SLC39A12: variants seen among roughly 807,000 people sequenced by gnomAD.
SLC39A12 encodes solute carrier family 39 member 12, also known as zinc transporter ZIP12.
A neutral mutation model predicts 71.1 loss-of-function variants in SLC39A12; 63 were observed. The observed-to-expected ratio is 0.89, with a 90% confidence interval of 0.72 to 1.09. SLC39A12 has a LOEUF of 1.09. SLC39A12 is among the 50% of genes least tolerant of loss of function. SLC39A12 has a pLI of 0.00. For missense variants in SLC39A12, 892 were observed against 812.6 expected, an observed-to-expected ratio of 1.10 and a Z score of -1.19; for synonymous variants, 351 against 301.3, an observed-to-expected ratio of 1.16 and a Z score of -1.71.
intron 12 of SLC39A12, chr10:18,009,875 A>T (rs1288000993): frequency 6.6e-6 from 1 of 152,248 alleles, no homozygotes; most frequent in Non-Finnish European, 1.5e-5. Context: ...AAACAGGATT[A>T]TCAATATAGT....
chr10:17,987,484 G>A lies in SLC39A12; in HGVS notation c.1102G>A (p.Gly368Ser), dbSNP rs1226517271. Residue 368 changes from glycine (G) to serine (S), a missense_variant, in exon 7 of 13, where the codon GGC becomes AGC. By Grantham distance (56) the Gly-to-Ser change is moderately conservative. Coordinates refer to ENST00000377369, the MANE Select transcript of SLC39A12 (RefSeq NM_001145195.2). Reference protein sequence around the residue: ...KLPPTTLEKYGYSTVAVTLLT... With the variant: ...KLPPTTLEKYSYSTVAVTLLT... ...TACGATCTCCTTTGACTTAGAATAC[G>A]GCTACAGCACGGTGGCTGTCACCCT... 1.1e-5 allele frequency: 18 copies of A among 1,613,614 alleles called. No individual in the cohort carries two copies. Among genetic ancestry groups the A allele is most frequent in the South Asian group, 3.3e-5 (3 of 91,030 alleles).
chr10:17,964,204 C>A (rs1834764933), intron 3 of SLC39A12, among the ~76,000 whole-genome samples: 2 of 152,220 alleles, frequency 1.3e-5, no homozygotes, highest in South Asian at 4.1e-4. Context: ...AACACTCATG[C>A]TTCCGTGAAG....
chr10:18,037,548 A>G (rs1214253198), intron 12 of SLC39A12, among the ~76,000 whole-genome samples: 2 of 152,216 alleles, frequency 1.3e-5, no homozygotes, highest in Non-Finnish European at 2.9e-5. Flanking sequence ...ATGTTTCTTC[A>G]AAACTGAAAG....
At chr10:18,010,972 C>T (rs1263894446) in intron 12 of SLC39A12, among the ~76,000 whole-genome samples, 1 of 152,160 alleles carries the variant, frequency 6.6e-6, no homozygotes, top group Non-Finnish European at 1.5e-5. Context: ...TGTATTTCTC[C>T]TCTTTATGAT....
intron 2 of SLC39A12, among the ~76,000 whole-genome samples, chr10:17,955,835 T>G (rs1217384366): frequency 6.6e-6 from 1 of 152,210 alleles, no homozygotes; most frequent in African/African-American, 2.4e-5. Flanking sequence ...TTTCTTTCTT[T>G]AATGAGAAGG....
intron 12 of SLC39A12, among the ~76,000 whole-genome samples, chr10:18,014,258 ATTGT>A (rs1209716795): frequency 1.1e-4 from 16 of 151,530 alleles, no homozygotes; most frequent in Admixed American, 8.5e-4. Context: ...TGGATTGTTC[ATTGT>A]TTGTGTTTAT....
intron 12 of SLC39A12, chr10:18,008,714 C>T (rs2130856741): frequency 6.6e-6 from 1 of 152,282 alleles, no homozygotes; most frequent in East Asian, 1.9e-4. Context: ...AGCATAAATA[C>T]ACCAAGTGAA....
chr10:17,980,195 G>GT (rs972679733), intron 5 of SLC39A12, among the ~76,000 whole-genome samples: 31 of 152,062 alleles, frequency 2.0e-4, no homozygotes, highest in African/African-American at 7.2e-4. Context: ...ATTTCAGTTG[G>GT]TTCTGTTCCA....
In SLC39A12 at chr10:18,034,575, C is replaced by G. The variant is rs536230231; in HGVS notation, c.1948-8130C>G. Among the ~76,000 whole-genome samples, 574 of 151,122 alleles carry G rather than the reference C, an allele frequency of 3.8e-3. 2 individuals are homozygous for G. Among genetic ancestry groups the G allele is most frequent in the Middle Eastern group, 0.014 (4 of 292 alleles). On this transcript the variant is annotated intron_variant, in intron 12 of 12. Coordinates refer to ENST00000377369, the MANE Select transcript of SLC39A12 (RefSeq NM_001145195.2). The stretch of plus-strand genomic sequence containing the variant: ...TGAGATGGGTTTCCTGAATACAGCA[C>G]ACTGATGGGTCTTGACTCTTTATCC...
chr10:17,994,513 G>T (rs1461442387), intron 9 of SLC39A12, among the ~76,000 whole-genome samples: 2 of 151,690 alleles, frequency 1.3e-5, no homozygotes, highest in African/African-American at 4.8e-5. Context: ...AGCTTTTTTT[G>T]AAAAACAAGA....
chr10:17,952,108 G>C (rs988285650), intron 1 of SLC39A12, 83 bp downstream of exon 1: 1 of 152,150 alleles, frequency 6.6e-6, no homozygotes, highest in East Asian at 1.9e-4. Context: ...TGTTGTTGTT[G>C]TTTTTAACTC....
intron 2 of SLC39A12, among the ~76,000 whole-genome samples, chr10:17,956,520 A>C (rs558159359): frequency 1.6e-4 from 25 of 152,228 alleles, no homozygotes; most frequent in Non-Finnish European, 3.2e-4. Context: ...ATATGCAGAA[A>C]GTCAGATATA....
intron 12 of SLC39A12, among the ~76,000 whole-genome samples, chr10:18,027,838 A>G (rs1836721658): frequency 6.6e-6 from 1 of 152,226 alleles, no homozygotes; most frequent in East Asian, 1.9e-4. Flanking sequence ...TTGCACCATC[A>G]TGTTCCATTT....
chr10:17,960,345 A>G (rs1834656405), intron 2 of SLC39A12, among the ~76,000 whole-genome samples: 1 of 152,208 alleles, frequency 6.6e-6, no homozygotes, highest in African/African-American at 2.4e-5. Context: ...GGCGAAAGGC[A>G]GAGAATCCTT....
intron 3 of SLC39A12, among the ~76,000 whole-genome samples, chr10:17,964,017 G>A (rs1299779795): frequency 6.6e-6 from 1 of 152,152 alleles, no homozygotes; most frequent in Middle Eastern, 3.2e-3. Context: ...ACTGTTGGCT[G>A]ATTCCATGGT....
At chr10:18,042,434 G>T (rs1434608663) in intron 12 of SLC39A12, among the ~76,000 whole-genome samples, 1 of 148,570 alleles carries the variant, frequency 6.7e-6, no homozygotes, top group East Asian at 2.0e-4. Flanking sequence ...CTCCAGCCTG[G>T]GTGACAGGGC....
chr10:17,975,089 C>T (rs1424492733), intron 4 of SLC39A12, among the ~76,000 whole-genome samples: 1 of 152,176 alleles, frequency 6.6e-6, no homozygotes, highest in African/African-American at 2.4e-5. Flanking sequence ...GCCAATGTTC[C>T]CTTAAGGCCC....
intron 12 of SLC39A12, among the ~76,000 whole-genome samples, chr10:18,030,642 TTA>T (rs1316840575): frequency 1.3e-5 from 2 of 149,290 alleles, no homozygotes; most frequent in African/African-American, 2.5e-5. Context: ...ATTTATTTAT[TTA>T]TTTATTTTTA....
chr10:18,019,548 C>T (rs1205966199), intron 12 of SLC39A12, among the ~76,000 whole-genome samples: 1 of 151,936 alleles, frequency 6.6e-6, no homozygotes, highest in Non-Finnish European at 1.5e-5. Context: ...ATTCAATGCT[C>T]TGAATTTTCA....
Sources: allele counts gnomAD v4.1 joint callset (sites outside exome capture counted in the v4.1 genomes callset), GRCh38; gene constraint gnomAD v4.1.1; transcripts MANE v1.5; gene names NCBI Gene and HGNC (gene_info 2026-07-23, HGNC 2026-07-21).